Variants in TAFA4 observed in about 807,000 individuals in gnomAD.
The protein encoded by TAFA4 is TAFA chemokine like family member 4.
TAFA4 carries 20 observed loss-of-function variants against 21.1 expected under a neutral mutation model. The ratio of observed to expected loss-of-function variants is 0.95; its 90% CI spans 0.67 to 1.38. TAFA4 has a LOEUF of 1.38. Ranked by LOEUF, TAFA4 falls within the 40% of genes most tolerant of loss-of-function variation. The pLI, the probability that TAFA4 is intolerant of heterozygous loss-of-function variation, is 0.00. For synonymous variants in TAFA4, 71 were observed against 67.4 expected, an observed-to-expected ratio of 1.05 and a Z score of -0.26; for missense variants, 211 against 180.9, an observed-to-expected ratio of 1.17 and a Z score of -0.95.
chr3:68,841,668 G>C (rs918639754), intron 3 of TAFA4, among the ~76,000 whole-genome samples: 1 of 151,966 alleles, frequency 6.6e-6, no homozygotes, highest in African/African-American at 2.4e-5. Flanking sequence ...ATCTATATTA[G>C]ATATTTCTCC....
At chr3:68,813,734 G>C (rs552899859) in intron 3 of TAFA4, among the ~76,000 whole-genome samples, 2 of 152,110 alleles carry the variant, frequency 1.3e-5, no homozygotes, top group South Asian at 4.2e-4. Context: ...TTCTACCAGA[G>C]GTACAAGGAG....
chr3:68,733,081 C>G lies in TAFA4; in HGVS notation c.*61G>C. 1 of 1,607,348 alleles carries G rather than the reference C, an allele frequency of 6.2e-7. No homozygotes were observed. Reference sequence around the variant, plus strand: ...TCTGCAAAGGGGCCATGATGGGAATCCAAGCAAAAGAGCTCCGCCTCCTGC... The same window carrying G: ...TCTGCAAAGGGGCCATGATGGGAATGCAAGCAAAAGAGCTCCGCCTCCTGC... On this transcript the variant is annotated 3_prime_UTR_variant, in exon 6 of 6. Transcript: ENST00000295569.
intron 4 of TAFA4, among the ~76,000 whole-genome samples, chr3:68,743,352 G>C (rs956892993): frequency 6.6e-6 from 1 of 152,104 alleles, no homozygotes; most frequent in African/African-American, 2.4e-5. Flanking sequence ...TAGGTGGGCA[G>C]ATCACTTGAG....
intron 1 of TAFA4, 82 bp downstream of exon 1, chr3:68,932,158 C>G (rs2090165046): frequency 6.6e-6 from 1 of 152,128 alleles, no homozygotes; most frequent in African/African-American, 2.4e-5. Flanking sequence ...CGGCTGCCCA[C>G]GAGACAGCAC....
intron 1 of TAFA4, among the ~76,000 whole-genome samples, chr3:68,906,978 C>T (rs1235213024): frequency 7.2e-6 from 1 of 138,766 alleles, no homozygotes; most frequent in Non-Finnish European, 1.5e-5. Context: ...CTGCAGTGAG[C>T]CAAGATTGCA....
chr3:68,757,822 A>T (rs548113428), intron 3 of TAFA4, among the ~76,000 whole-genome samples: 23 of 152,270 alleles, frequency 1.5e-4, no homozygotes, highest in African/African-American at 5.5e-4. Context: ...TACAATTATA[A>T]TTGACACTGC....
chr3:68,860,662 TTA>T (rs2106922280), intron 3 of TAFA4, among the ~76,000 whole-genome samples: 2 of 152,320 alleles, frequency 1.3e-5, no homozygotes, highest in South Asian at 4.1e-4. Flanking sequence ...TGGGTTGCAG[TTA>T]TGTTTTTGAG....
intron 3 of TAFA4, among the ~76,000 whole-genome samples, chr3:68,878,732 T>C (rs918710238): frequency 6.6e-6 from 1 of 152,212 alleles, no homozygotes; most frequent in African/African-American, 2.4e-5. Context: ...GAAAATAGAC[T>C]TTAAAAACAA....
At chr3:68,784,341 T>A (rs969168197) in intron 3 of TAFA4, among the ~76,000 whole-genome samples, 1 of 152,214 alleles carries the variant, frequency 6.6e-6, no homozygotes, top group East Asian at 1.9e-4. Flanking sequence ...ACCCTCACGG[T>A]GAGTGTTACA....
intron 1 of TAFA4, among the ~76,000 whole-genome samples, chr3:68,924,833 T>C (rs2090092607): frequency 1.3e-5 from 2 of 152,214 alleles, no homozygotes; most frequent in African/African-American, 2.4e-5. Flanking sequence ...TAAGATTTAA[T>C]TCCATTTAAA....
At chr3:68,905,384 G>A (rs1435875096) in intron 1 of TAFA4, among the ~76,000 whole-genome samples, 1 of 152,020 alleles carries the variant, frequency 6.6e-6, no homozygotes, top group African/African-American at 2.4e-5. Flanking sequence ...TGGCCAGGAT[G>A]GTATCGATCT....
At chr3:68,790,173 G>A (rs926822504) in intron 3 of TAFA4, among the ~76,000 whole-genome samples, 6 of 142,994 alleles carry the variant, frequency 4.2e-5, no homozygotes, top group African/African-American at 1.5e-4. Context: ...AGATGTATAT[G>A]CTTGTGAGGC....
At chr3:68,918,716 T>G (rs865780879) in intron 1 of TAFA4, among the ~76,000 whole-genome samples, 1 of 152,120 alleles carries the variant, frequency 6.6e-6, no homozygotes, top group African/African-American at 2.4e-5. Context: ...ATTTTTGTAT[T>G]TTTTTGTACA....
At chr3:68,804,673 G>C (rs1385980742) in intron 3 of TAFA4, among the ~76,000 whole-genome samples, 1 of 152,032 alleles carries the variant, frequency 6.6e-6, no homozygotes, top group Non-Finnish European at 1.5e-5. Flanking sequence ...TCTGATCTTT[G>C]ACAAACCTGA....
rs183383457 is a variant in TAFA4, at chr3:68,733,516, A to C, written c.412-363T>G. ...ATAAATGGTTGATTAAAATCAGTGC[A>C]TGTCAAGATAAAAATGTTGCCTTTT... On this transcript the variant is annotated intron_variant, in intron 5 of 5. Coordinates refer to ENST00000295569, the MANE Select transcript of TAFA4 (RefSeq NM_182522.5). 2.4e-3 allele frequency among the ~76,000 whole-genome samples: 360 copies of C among 152,304 alleles called. 2 individuals carry two copies. Among genetic ancestry groups the C allele is most frequent in the African/African-American group, 8.4e-3 (350 of 41,564 alleles).
intron 1 of TAFA4, among the ~76,000 whole-genome samples, chr3:68,897,573 CT>C (rs1236954200): frequency 6.6e-6 from 1 of 151,880 alleles, no homozygotes; most frequent in East Asian, 1.9e-4. Flanking sequence ...TTGCAGTGAG[CT>C]GAGATCATGC....
intron 1 of TAFA4, among the ~76,000 whole-genome samples, chr3:68,903,024 AG>A (rs58901910): frequency 0.025 from 3,761 of 151,612 alleles, 146 homozygotes; most frequent in African/African-American, 0.087. Context: ...AAAAAAAATC[AG>A]GGACAGGACT....
At chr3:68,760,049 C>T (rs943639788) in intron 3 of TAFA4, among the ~76,000 whole-genome samples, 6 of 152,018 alleles carry the variant, frequency 3.9e-5, no homozygotes, top group Non-Finnish European at 2.9e-5. Context: ...AAATTGCAAT[C>T]GGGTTGCATA....
intron 1 of TAFA4, among the ~76,000 whole-genome samples, chr3:68,892,849 C>T (rs964949283): frequency 1.3e-5 from 2 of 152,160 alleles, no homozygotes; most frequent in East Asian, 3.9e-4. Context: ...GCAATCATTG[C>T]TAAGTAATAA....
Sources: allele counts gnomAD v4.1 joint callset (sites outside exome capture counted in the v4.1 genomes callset), GRCh38; gene constraint gnomAD v4.1.1; transcripts MANE v1.5; gene names NCBI Gene and HGNC (gene_info 2026-07-23, HGNC 2026-07-21).